TSHR: variants seen among roughly 807,000 people sequenced by gnomAD.
The protein encoded by TSHR is thyrotropin receptor.
Under a neutral mutation model 64.1 loss-of-function variants are expected in TSHR, and 51 were observed. The observed-to-expected ratio is 0.80, with a 90% confidence interval of 0.64 to 1.01. The LOEUF is 1.01. Ranked by LOEUF, TSHR falls within the 50% of genes least tolerant of loss-of-function variation. The probability of loss-of-function intolerance (pLI) is 0.00; values close to 1 mark genes in which losing one functional copy is unlikely to be tolerated. For synonymous variants in TSHR, 361 were observed against 361.9 expected (o/e 1.00, Z 0.03); for missense variants, 877 against 942.8 (o/e 0.93, Z 0.91).
intron 1 of TSHR, chr14:81,053,837 T>G (rs1885578270): frequency 6.6e-6 from 1 of 152,116 alleles, no homozygotes; most frequent in Non-Finnish European, 1.5e-5. Context: ...AACAAAAAAA[T>G]GCATATTCAT....
rs973819448 is a variant in TSHR, at chr14:81,104,702, C to A, written c.615-3673C>A. The A allele has an allele frequency of 1.0e-5, 10 of 985,300 alleles. No homozygotes were observed. The African/African-American group carries it at 1.6e-4, about 15-fold the overall frequency. 61.0% of individuals were successfully genotyped at this position (985,300 alleles called of 1,614,324 possible). On this transcript the variant is annotated intron_variant, in intron 7 of 9. Coordinates refer to ENST00000298171, the MANE Select transcript of TSHR (RefSeq NM_000369.5). The stretch of plus-strand genomic sequence containing the variant: ...TGTCAATCGAATATTTTCCTCAGCT[C>A]ATTCCTCACCACCTTCATTTTCCTG...
intron 7 of TSHR, among the ~76,000 whole-genome samples, chr14:81,097,953 A>C (rs1212953387): frequency 1.3e-5 from 2 of 149,586 alleles, no homozygotes; most frequent in Non-Finnish European, 2.9e-5. Flanking sequence ...AAAAGACTCT[A>C]TCGAGTAAGG....
In TSHR at chr14:81,043,574, A is replaced by G. The variant is rs530349490; in HGVS notation, c.171-18574A>G. The stretch of plus-strand genomic sequence containing the variant: ...TACCATTGACATGCTACACAGAATT[A>G]GAAAAAACTATTTTAAAATTAATAT... On this transcript the variant is annotated intron_variant, in intron 1 of 9. Coordinates refer to ENST00000298171, the MANE Select transcript of TSHR (RefSeq NM_000369.5). Among the ~76,000 whole-genome samples the G allele has an allele frequency of 2.6e-5, 4 of 152,344 alleles. No homozygotes were observed. In the South Asian group the frequency reaches 6.2e-4, roughly 24 times the overall value.
intron 1 of TSHR, among the ~76,000 whole-genome samples, chr14:80,957,061 TTC>T (rs1687779693): frequency 6.6e-6 from 1 of 152,148 alleles, no homozygotes; most frequent in African/African-American, 2.4e-5. Flanking sequence ...TGCTCCTCAT[TTC>T]TCTAACTTCC....
At chr14:81,132,515 G>A (rs1891288931) in intron 8 of TSHR, among the ~76,000 whole-genome samples, 1 of 152,012 alleles carries the variant, frequency 6.6e-6, no homozygotes, top group African/African-American at 2.4e-5. Context: ...ATTCTTCTCT[G>A]TATATAATAC....
Position 81,143,551 on chromosome 14 carries a change from G to T in TSHR, c.1493G>T (p.Gly498Val), listed in dbSNP as rs1184501558. 4.3e-6 allele frequency: 7 copies of T among 1,613,244 alleles called. No homozygotes were observed. Among genetic ancestry groups the T allele is most frequent in the Non-Finnish European group, 5.9e-6 (7 of 1,180,034 alleles). ...ACAGGCCCTGGGTGCAACACGGCTGGTTTCTTCACTGTCTTTGCAAGCGAG... is the reference window on the plus strand; with the variant it reads ...ACAGGCCCTGGGTGCAACACGGCTGTTTTCTTCACTGTCTTTGCAAGCGAG... ...WQTGPGCNTA[G>V]FFTVFASELS... Residue 498 changes from glycine to valine, a missense_variant, in exon 10 of 10, where the codon GGT becomes GTT. By Grantham distance (109) the Gly-to-Val change is moderately radical. Coordinates refer to ENST00000298171, the MANE Select transcript of TSHR (RefSeq NM_000369.5).
intron 4 of TSHR, among the ~76,000 whole-genome samples, chr14:81,089,401 C>T (rs1888550755): frequency 6.6e-6 from 1 of 152,200 alleles, no homozygotes; most frequent in African/African-American, 2.4e-5. Flanking sequence ...TGGGACAAGA[C>T]AATCACTCTT....
At chr14:81,095,823 C>T (rs1020925318) in intron 6 of TSHR, among the ~76,000 whole-genome samples, 6 of 152,116 alleles carry the variant, frequency 3.9e-5, no homozygotes, top group African/African-American at 9.6e-5. Context: ...CTGAGGCAGG[C>T]GGATCACTTG....
rs537376525 is a variant in TSHR, at chr14:81,003,388, A to G, written c.170+47538A>G. The G allele has an allele frequency of 2.3e-4, 36 of 154,868 alleles. No homozygotes were observed. The South Asian group carries it at 5.7e-3, about 24-fold the overall frequency. The allele number at this position is 154,868 out of a possible 1,614,324, so 9.6% of individuals were successfully genotyped here. Reference sequence around the variant, plus strand: ...CCCTGACCTCTTCCTTGTGCTTCAGACTACATTTCCTATTTGCCTCCTGTG... The same window carrying G: ...CCCTGACCTCTTCCTTGTGCTTCAGGCTACATTTCCTATTTGCCTCCTGTG... On this transcript the variant is annotated intron_variant, in intron 1 of 9. Transcript: ENST00000298171.
intron 2 of TSHR, among the ~76,000 whole-genome samples, chr14:81,066,215 ACTT>A (rs1393161034): frequency 6.6e-6 from 1 of 152,128 alleles, no homozygotes; most frequent in Non-Finnish European, 1.5e-5. Flanking sequence ...AAAGACTCAT[ACTT>A]CTTAACTGAG....
chr14:81,113,665 G>A (rs1595136217), intron 8 of TSHR, among the ~76,000 whole-genome samples: 1 of 151,996 alleles, frequency 6.6e-6, no homozygotes, highest in East Asian at 1.9e-4. Context: ...GAGTAGGAAA[G>A]GTGATCATGT....
At chr14:81,028,595 A>G (rs143082906) in intron 1 of TSHR, among the ~76,000 whole-genome samples, 15 of 152,232 alleles carry the variant, frequency 9.9e-5, no homozygotes, top group African/African-American at 2.9e-4. Flanking sequence ...CTCTAATTGG[A>G]TTACGGTAAT....
chr14:80,982,739 C>T (rs1888237886), intron 1 of TSHR: 1 of 756,624 alleles, frequency 1.3e-6, no homozygotes, highest in Admixed American at 2.7e-5. Flanking sequence ...GTTTTGGCCT[C>T]AGCTGAAGAA....
At position 81,073,031 on chromosome 14, in the gene TSHR, T is replaced by A. The variant is rs1395381150; in HGVS notation, c.317+4703T>A. Among the ~76,000 whole-genome samples, 654 of 115,926 alleles carry A rather than the reference T, an allele frequency of 5.6e-3. 9 individuals are homozygous for A. The highest frequency in any genetic ancestry group is 7.0e-3 in the Non-Finnish European group (395 of 56,088). 76.1% of individuals were successfully genotyped at this position (115,926 alleles called of 152,430 possible). A position where few individuals can be genotyped will look rare whatever the true frequency, so the allele number is the denominator to read the frequency against. On this transcript the variant is annotated intron_variant, in intron 3 of 9. Coordinates refer to ENST00000298171, the MANE Select transcript of TSHR (RefSeq NM_000369.5). Reference sequence around the variant, plus strand: ...AAAAAATAAAAAATAAATATATATATATATATATATATATATATAAAATGC... The same window carrying A: ...AAAAAATAAAAAATAAATATATATAAATATATATATATATATATAAAATGC...
intron 3 of TSHR, among the ~76,000 whole-genome samples, chr14:81,069,741 C>T (rs111652570): frequency 5.9e-5 from 9 of 152,130 alleles, no homozygotes; most frequent in African/African-American, 2.2e-4. Context: ...CTAGATCAGC[C>T]CTTGCAAAGA....
intron 8 of TSHR, among the ~76,000 whole-genome samples, chr14:81,121,290 G>A (rs1890781447): frequency 6.6e-6 from 1 of 152,158 alleles, no homozygotes; most frequent in South Asian, 2.1e-4. Context: ...GTGCAGGTGG[G>A]AGAATCGGAA....
chr14:81,094,812 G>A (rs535307564), intron 6 of TSHR, among the ~76,000 whole-genome samples: 10 of 148,272 alleles, frequency 6.7e-5, no homozygotes, highest in Admixed American at 2.8e-4. Context: ...TCAGCCTCCC[G>A]AATAGCTCCT....
intron 1 of TSHR, among the ~76,000 whole-genome samples, chr14:81,054,175 T>C (rs546196735): frequency 3.9e-5 from 6 of 152,308 alleles, no homozygotes; most frequent in African/African-American, 1.4e-4. Flanking sequence ...TCTCACAAGA[T>C]CTGATGGTTT....
At chr14:81,099,728 A>ATTCTTTG (rs1889449342) in intron 7 of TSHR, among the ~76,000 whole-genome samples, 1 of 152,208 alleles carries the variant, frequency 6.6e-6, no homozygotes, top group Admixed American at 6.5e-5. Context: ...TGGGATGATA[A>ATTCTTTG]AACGTTATTC....
Sources: gnomAD v4.1 joint callset for allele counts (sites outside exome capture counted in the v4.1 genomes callset) on GRCh38, gnomAD v4.1.1 for gene constraint, MANE v1.5 for transcripts, NCBI Gene and HGNC (gene_info 2026-07-23, HGNC 2026-07-21) for gene names.